POMP: variants seen among roughly 807,000 people sequenced by gnomAD.
POMP encodes the protein 2510048O06Rik.
Under a neutral mutation model 20.6 loss-of-function variants are expected in POMP, and 12 were observed. The ratio of observed to expected loss-of-function variants is 0.58; its 90% CI spans 0.37 to 0.94. The LOEUF is 0.94. POMP is among the 40% of genes least tolerant of loss of function. The pLI is 0.01. For synonymous variants in POMP, 53 were observed against 55.0 expected (o/e 0.96, Z 0.16); for missense variants, 136 against 161.1 (o/e 0.84, Z 0.84).
At chr13:28,660,069 A>G (rs1268786087) in intron 1 of POMP, 1 of 151,160 alleles carries the variant, frequency 6.6e-6, no homozygotes, top group East Asian at 1.9e-4. Flanking sequence ...GGAAATTGGG[A>G]AAAATGACAA....
chr13:28,675,059 C>T (rs1036304210), intron 5 of POMP, among the ~76,000 whole-genome samples: 1 of 152,056 alleles, frequency 6.6e-6, no homozygotes, highest in Non-Finnish European at 1.5e-5. Flanking sequence ...AAATAAGCCA[C>T]TTGCTATCTT....
intron 5 of POMP, among the ~76,000 whole-genome samples, chr13:28,674,334 G>C (rs1192554750): frequency 6.6e-6 from 1 of 152,220 alleles, no homozygotes; most frequent in Non-Finnish European, 1.5e-5. Context: ...TGTACATTGA[G>C]TGTGTTACGT....
intron 4 of POMP, among the ~76,000 whole-genome samples, chr13:28,669,522 C>T (rs1226583127): frequency 6.6e-6 from 1 of 152,110 alleles, no homozygotes; most frequent in African/African-American, 2.4e-5. Flanking sequence ...ACTACAGTCA[C>T]TTGCTACCTC....
intron 3 of POMP, 104 bp downstream of exon 3, chr13:28,664,673 C>T (rs1884409855): frequency 1.4e-6 from 1 of 736,266 alleles, no homozygotes; most frequent in Non-Finnish European, 2.2e-6. Flanking sequence ...AGGATTTGCC[C>T]ATGAAGAATA....
chr13:28,666,835 T>C (rs1163684496), intron 3 of POMP, among the ~76,000 whole-genome samples: 1 of 152,100 alleles, frequency 6.6e-6, no homozygotes, highest in East Asian at 1.9e-4. Context: ...AGGATCATCC[T>C]CCTGCCCCCT....
In POMP at chr13:28,678,664, T is replaced by C; in HGVS notation, c.*562T>C. 1 of 153,254 alleles carries C rather than the reference T, an allele frequency of 6.5e-6. No individual in the cohort carries two copies. Among genetic ancestry groups the C allele is most frequent in the East Asian group, 1.9e-4 (1 of 5,216 alleles). 9.5% of individuals were successfully genotyped at this position (153,254 alleles called of 1,614,324 possible). On this transcript the variant is annotated 3_prime_UTR_variant, in exon 6 of 6. Transcript: ENST00000380842. Reference sequence around the variant, plus strand: ...TTCCAAGGTTTTGATTTTGGTCTGGTCTTTAAGTGAAAAATTAAAGCAACC... The same window carrying C: ...TTCCAAGGTTTTGATTTTGGTCTGGCCTTTAAGTGAAAAATTAAAGCAACC...
intron 1 of POMP, among the ~76,000 whole-genome samples, chr13:28,660,371 A>G (rs1322211466): frequency 6.6e-6 from 1 of 152,188 alleles, no homozygotes; most frequent in African/African-American, 2.4e-5. Context: ...AAATTACATG[A>G]GATACCCAGT....
intron 4 of POMP, among the ~76,000 whole-genome samples, chr13:28,670,678 C>T (rs1223127135): frequency 6.6e-6 from 1 of 152,228 alleles, no homozygotes; most frequent in Non-Finnish European, 1.5e-5. Flanking sequence ...AGTTCTTTCA[C>T]TGTTAGGCGT....
At position 28,664,215 on chromosome 13, in the gene POMP, G is replaced by A. The variant is rs2487345; in HGVS notation, c.102-294G>A. The stretch of plus-strand genomic sequence containing the variant: ...CATTCATTAAATTTCTTCTAGATGT[G>A]GCACCAGATTTTGGCAAGTTTTCCC... On this transcript the variant is annotated intron_variant, in intron 2 of 5. Transcript: ENST00000380842. 0.044 allele frequency among the ~76,000 whole-genome samples: 6,764 copies of A among 152,244 alleles called. 505 individuals are homozygous for A. The highest frequency in any genetic ancestry group is 0.15 in the African/African-American group (6,322 of 41,508).
Position 28,662,470 on chromosome 13 carries a change from A to G in POMP, c.64A>G (p.Ser22Gly). Reference sequence around the variant, plus strand: ...TATTCCAGTTACTGAACTTTCAGCAAGTGGACCTTTTGAAAGTCATGATCT... The same window carrying G: ...TATTCCAGTTACTGAACTTTCAGCAGGTGGACCTTTTGAAAGTCATGATCT... ...DSIPVTELSA[S>G]GPFESHDLLR... Residue 22 changes from serine to glycine, a missense_variant, in exon 2 of 6, where the codon AGT (serine) becomes GGT (glycine). Coordinates refer to ENST00000380842, the MANE Select transcript of POMP (RefSeq NM_015932.6). 6.2e-7 allele frequency: 1 copy of G among 1,613,900 alleles called. No homozygotes were observed. Among genetic ancestry groups the G allele is most frequent in the African/African-American group, 1.3e-5 (1 of 75,062 alleles).
intron 3 of POMP, among the ~76,000 whole-genome samples, chr13:28,665,317 GTTGT>G (rs767364783): frequency 9.9e-5 from 15 of 152,130 alleles, no homozygotes; most frequent in African/African-American, 1.7e-4. Context: ...TTTTGTTTTT[GTTGT>G]TTGTTTGTTT....
chr13:28,673,230 C>T (rs1300962335), intron 5 of POMP, among the ~76,000 whole-genome samples: 1 of 151,926 alleles, frequency 6.6e-6, no homozygotes, highest in Non-Finnish European at 1.5e-5. Context: ...ATCACCACAC[C>T]CGGCTAATTT....
At chr13:28,672,187 G>T in intron 4 of POMP, 152 bp from the exon 5 acceptor site, 1 of 688,618 alleles carries the variant, frequency 1.5e-6, no homozygotes, top group East Asian at 2.7e-5. Context: ...TCTAAAATAT[G>T]AACTAGTGTT....
chr13:28,659,273 C>G, intron 1 of POMP, 86 bp downstream of exon 1: 1 of 1,541,644 alleles, frequency 6.5e-7, no homozygotes. Context: ...CCAACCCGTC[C>G]CCGGTGGCGG....
At chr13:28,666,960 A>C (rs1191276615) in intron 3 of POMP, among the ~76,000 whole-genome samples, 1 of 152,160 alleles carries the variant, frequency 6.6e-6, no homozygotes, top group Non-Finnish European at 1.5e-5. Flanking sequence ...GATGCTGCCA[A>C]ACATCCTACA....
intron 3 of POMP, among the ~76,000 whole-genome samples, chr13:28,665,016 T>G (rs999167258): frequency 2.0e-5 from 3 of 152,104 alleles, no homozygotes; most frequent in Non-Finnish European, 4.4e-5. Context: ...ACTTAAAATT[T>G]AATGAGGAAG....
chr13:28,672,491 C>CA (rs1317742693), intron 5 of POMP, 59 bp downstream of exon 5: 27 of 1,322,642 alleles, frequency 2.0e-5, no homozygotes, highest in Middle Eastern at 3.6e-4. Flanking sequence ...CAAACAGCTG[C>CA]AAAAAGAATA....
At chr13:28,662,007 C>T (rs1051202377) in intron 1 of POMP, among the ~76,000 whole-genome samples, 14 of 152,152 alleles carry the variant, frequency 9.2e-5, no homozygotes, top group Admixed American at 6.5e-5. Context: ...GAATAAAACC[C>T]ATATTTCTTT....
rs1430781386 is a variant in POMP at position 28,678,355 on chromosome 13, A to C, written c.*253A>C. The C allele has an allele frequency of 2.2e-6, 1 of 446,262 alleles. No individual in the cohort carries two copies. The highest frequency in any genetic ancestry group is 2.0e-5 in the African/African-American group (1 of 50,286). The allele number at this position is 446,262 out of a possible 1,614,324, so 27.6% of individuals were successfully genotyped here. On this transcript the variant is annotated 3_prime_UTR_variant, in exon 6 of 6. Transcript: ENST00000380842. The stretch of plus-strand genomic sequence containing the variant: ...TTTGTCTTTAAAAAAGTTGTTGCTC[A>C]TGAATATTATAAAATGATCTACAGG...
Sources: allele counts gnomAD v4.1 joint callset (sites outside exome capture counted in the v4.1 genomes callset), GRCh38; gene constraint gnomAD v4.1.1; transcripts MANE v1.5; gene names NCBI Gene and HGNC (gene_info 2026-07-23, HGNC 2026-07-21).